Variants in ADK observed in about 807,000 individuals in gnomAD.
The protein encoded by ADK is adenosine kinase.
Under a neutral mutation model 44.7 loss-of-function variants are expected in ADK, and 24 were observed. The observed-to-expected ratio is 0.54, with a 90% CI of 0.39 to 0.76. ADK has a LOEUF of 0.76. Among genes scored for constraint, ADK ranks in the 30% least tolerant of loss-of-function variants. The probability of loss-of-function intolerance (pLI) is 0.00; values close to 1 mark genes in which losing one functional copy is unlikely to be tolerated. For missense variants in ADK, 321 were observed against 425.1 expected, an observed-to-expected ratio of 0.76 and a Z score of 2.15; for synonymous variants, 128 against 142.6, an observed-to-expected ratio of 0.90 and a Z score of 0.73.
intron 6 of ADK, among the ~76,000 whole-genome samples, chr10:74,448,209 C>A (rs1472519780): frequency 6.6e-6 from 1 of 151,934 alleles, no homozygotes; most frequent in Non-Finnish European, 1.5e-5. Flanking sequence ...ATCCCAGCTA[C>A]TTGGGAGGGT....
intron 6 of ADK, among the ~76,000 whole-genome samples, chr10:74,421,686 G>T (rs1156559067): frequency 1.3e-5 from 2 of 152,092 alleles, no homozygotes; most frequent in South Asian, 2.1e-4. Context: ...TCTGGGGCTG[G>T]TGATGGGAAA....
rs1176363318 is a variant in ADK, at chr10:74,224,412, C to G, written c.141-126C>G. 13 of 748,428 alleles carry G rather than the reference C, an allele frequency of 1.7e-5. No homozygotes were observed. In the East Asian group the frequency reaches 3.6e-4, roughly 21 times the overall value. 46.4% of individuals were successfully genotyped at this position (748,428 alleles called of 1,614,324 possible). A position where few individuals can be genotyped will look rare whatever the true frequency, so the allele number is the denominator to read the frequency against. ...GCAAAAAACCGTCTACTTGGGCATT[C>G]TTGGTGTTTTATCAATTAAGTCAGA... On this transcript the variant is annotated intron_variant, in intron 2 of 10. Coordinates refer to ENST00000539909, the MANE Select transcript of ADK (RefSeq NM_006721.4).
At chr10:74,178,560 T>G (rs1423329042) in intron 1 of ADK, among the ~76,000 whole-genome samples, 1 of 152,234 alleles carries the variant, frequency 6.6e-6, no homozygotes, top group Non-Finnish European at 1.5e-5. Context: ...ATCATCTTCC[T>G]GACCGTGCCT....
intron 10 of ADK, among the ~76,000 whole-genome samples, chr10:74,697,706 C>T (rs1480285556): frequency 2.0e-5 from 3 of 152,048 alleles, no homozygotes; most frequent in Admixed American, 6.6e-5. Context: ...TTAAGGCTTC[C>T]GTACCCACTG....
At chr10:74,631,664 G>A (rs1388358505) in intron 9 of ADK, among the ~76,000 whole-genome samples, 1 of 152,094 alleles carries the variant, frequency 6.6e-6, no homozygotes, top group Non-Finnish European at 1.5e-5. Context: ...CTCTGTAAGT[G>A]CAGCCTGAAC....
intron 4 of ADK, among the ~76,000 whole-genome samples, chr10:74,384,796 T>A (rs1317584481): frequency 1.3e-5 from 2 of 152,212 alleles, no homozygotes; most frequent in Non-Finnish European, 2.9e-5. Context: ...AATGAAGTAT[T>A]CAGTGTACTG....
intron 1 of ADK, among the ~76,000 whole-genome samples, chr10:74,189,331 C>T (rs1027360951): frequency 1.6e-4 from 24 of 151,916 alleles, no homozygotes; most frequent in Admixed American, 1.6e-3. Flanking sequence ...ATATCTGTAC[C>T]ATATATCTGT....
At chr10:74,191,499 G>C (rs1240113511) in intron 1 of ADK, among the ~76,000 whole-genome samples, 1 of 152,130 alleles carries the variant, frequency 6.6e-6, no homozygotes, top group Non-Finnish European at 1.5e-5. Context: ...TGATTGTCCT[G>C]CCTTGGCCTC....
intron 4 of ADK, among the ~76,000 whole-genome samples, chr10:74,326,147 A>G (rs1002567880): frequency 1.3e-5 from 2 of 152,036 alleles, no homozygotes; most frequent in Non-Finnish European, 2.9e-5. Flanking sequence ...TTTTTCTTCT[A>G]TGTTCATCGG....
chr10:74,308,778 G>C (rs1272217230), intron 3 of ADK, among the ~76,000 whole-genome samples: 1 of 152,108 alleles, frequency 6.6e-6, no homozygotes, highest in Non-Finnish European at 1.5e-5. Flanking sequence ...TTTTTATGCT[G>C]TGCTGATGTT....
At chr10:74,503,017 A>G (rs1228770146) in intron 6 of ADK, among the ~76,000 whole-genome samples, 1 of 152,104 alleles carries the variant, frequency 6.6e-6, no homozygotes, top group Non-Finnish European at 1.5e-5. Context: ...ATTTATCTCC[A>G]ATGTTATTTT....
chr10:74,422,236 A>G (rs1844580088), intron 6 of ADK, among the ~76,000 whole-genome samples: 1 of 152,236 alleles, frequency 6.6e-6, no homozygotes, highest in Non-Finnish European at 1.5e-5. Context: ...CCTCAATCTA[A>G]TCATTAGGAA....
intron 3 of ADK, among the ~76,000 whole-genome samples, chr10:74,248,160 A>G (rs1292826245): frequency 6.6e-6 from 1 of 152,212 alleles, no homozygotes; most frequent in African/African-American, 2.4e-5. Context: ...CTTCGTGTAG[A>G]AGACATGGAC....
chr10:74,359,766 T>A (rs1592098264), intron 4 of ADK, among the ~76,000 whole-genome samples: 1 of 152,198 alleles, frequency 6.6e-6, no homozygotes, highest in Non-Finnish European at 1.5e-5. Context: ...CAACAGTCTT[T>A]CAATTCCAAA....
In ADK at chr10:74,532,551, C is replaced by G. The variant is rs1224187120; in HGVS notation, c.726+7125C>G. Among the ~76,000 whole-genome samples the G allele has an allele frequency of 2.0e-5, 3 of 151,376 alleles. No homozygotes were observed. In the East Asian group the frequency reaches 5.8e-4, roughly 29 times the overall value. ...TTTAGAAAGAAGGAAGTAAAACTGTCTCTATTATCAAAAGCATGATCATCT... is the reference window on the plus strand; with the variant it reads ...TTTAGAAAGAAGGAAGTAAAACTGTGTCTATTATCAAAAGCATGATCATCT... On this transcript the variant is annotated intron_variant, in intron 7 of 10. Coordinates refer to ENST00000539909, the MANE Select transcript of ADK (RefSeq NM_006721.4).
intron 6 of ADK, among the ~76,000 whole-genome samples, chr10:74,509,147 A>T (rs892346432): frequency 2.0e-4 from 31 of 152,310 alleles, no homozygotes; most frequent in African/African-American, 7.5e-4. Context: ...CTGCTTTTTT[A>T]AAAATAATTT....
intron 9 of ADK, among the ~76,000 whole-genome samples, chr10:74,632,094 CTG>C (rs1325718970): frequency 5.3e-5 from 8 of 152,112 alleles, no homozygotes; most frequent in African/African-American, 1.9e-4. Context: ...ATCCCAGAAA[CTG>C]TCTCTCTCCA....
intron 2 of ADK, among the ~76,000 whole-genome samples, chr10:74,223,100 G>A (rs1015307936): frequency 1.3e-5 from 2 of 152,106 alleles, no homozygotes; most frequent in African/African-American, 2.4e-5. Flanking sequence ...ATAAGAAAAG[G>A]AATTTATTTC....
chr10:74,472,831 T>C (rs1846653741), intron 6 of ADK, among the ~76,000 whole-genome samples: 1 of 152,162 alleles, frequency 6.6e-6, no homozygotes, highest in Non-Finnish European at 1.5e-5. Context: ...TTCCATACTC[T>C]ATTTTGTCTT....
Sources: allele counts gnomAD v4.1 joint callset (sites outside exome capture counted in the v4.1 genomes callset), GRCh38; gene constraint gnomAD v4.1.1; transcripts MANE v1.5; gene names NCBI Gene and HGNC (gene_info 2026-07-23, HGNC 2026-07-21).